GTF2H1: variants seen among roughly 807,000 people sequenced by gnomAD.
The protein encoded by GTF2H1 is general transcription factor IIH subunit 1.
A neutral mutation model predicts 71.2 loss-of-function variants in GTF2H1; 16 were observed. The ratio of observed to expected loss-of-function variants is 0.22; its 90% CI spans 0.15 to 0.34. The LOEUF is 0.34. Among genes scored for constraint, GTF2H1 ranks in the 10% least tolerant of loss-of-function variants. The pLI is 1.00. For synonymous variants in GTF2H1, 215 were observed against 219.0 expected, an observed-to-expected ratio of 0.98 and a Z score of 0.16; for missense variants, 498 against 648.2, an observed-to-expected ratio of 0.77 and a Z score of 2.52.
At chr11:18,362,414 G>A (rs1350473032) in intron 14 of GTF2H1, among the ~76,000 whole-genome samples, 1 of 152,056 alleles carries the variant, frequency 6.6e-6, no homozygotes, top group East Asian at 1.9e-4. Flanking sequence ...TGTACACTTA[G>A]ACTACATTAA....
chr11:18,360,306 G>A (rs992019910), intron 13 of GTF2H1, among the ~76,000 whole-genome samples: 14 of 151,958 alleles, frequency 9.2e-5, no homozygotes, highest in East Asian at 5.8e-4. Flanking sequence ...TATTTTTAGC[G>A]GAGACGGGGT....
At chr11:18,363,380 C>T (rs185640291) in intron 14 of GTF2H1, among the ~76,000 whole-genome samples, 28 of 152,182 alleles carry the variant, frequency 1.8e-4, no homozygotes, top group Non-Finnish European at 2.9e-4. Flanking sequence ...TTCGTTTACA[C>T]CAGCATCCCT....
At chr11:18,345,322 C>T (rs753101042) in intron 7 of GTF2H1, among the ~76,000 whole-genome samples, 6 of 152,080 alleles carry the variant, frequency 3.9e-5, no homozygotes, top group Non-Finnish European at 7.4e-5. Context: ...TGACATTTTC[C>T]ACTTTCAAAA....
Position 18,347,584 on chromosome 11 carries a change from A to G in GTF2H1, c.838-4A>G, listed in dbSNP as rs752036432. 4 of 1,584,174 alleles carry G rather than the reference A, an allele frequency of 2.5e-6. No homozygotes were observed. Among genetic ancestry groups the G allele is most frequent in the South Asian group, 1.2e-5 (1 of 85,914 alleles). ...AAAAATTTTTAATCTATTATTTCTC[A>G]CAGGGCTATGGCATTTCCTCTGTGC... is the stretch of plus-strand genomic sequence containing the variant. On this transcript the variant is annotated splice_polypyrimidine_tract_variant and splice_region_variant and intron_variant, in intron 7 of 14. Coordinates refer to ENST00000265963, the MANE Select transcript of GTF2H1 (RefSeq NM_005316.4).
intron 14 of GTF2H1, among the ~76,000 whole-genome samples, chr11:18,363,561 A>C (rs1865754429): frequency 6.6e-6 from 1 of 152,214 alleles, no homozygotes; most frequent in Non-Finnish European, 1.5e-5. Context: ...GATAAATAAA[A>C]GGGGAGTTTT....
intron 9 of GTF2H1, among the ~76,000 whole-genome samples, chr11:18,350,836 ATGTT>A (rs950261570): frequency 3.9e-5 from 6 of 152,184 alleles, no homozygotes; most frequent in Admixed American, 1.3e-4. Flanking sequence ...CATAAGTAAT[ATGTT>A]TGTATTATTA....
rs1303952972 is a variant in GTF2H1, at chr11:18,365,780, C to T, written c.1561-3C>T. 2 of 1,607,528 alleles carry T rather than the reference C, an allele frequency of 1.2e-6. No homozygotes were observed. On this transcript the variant is annotated splice_region_variant and splice_polypyrimidine_tract_variant and intron_variant, in intron 14 of 14. Transcript: ENST00000265963. ...TTGTTAAGTGTCTTGCTGTGTTTTT[C>T]AGTTGGTAAGTCACATAGAAGAGAT...
At chr11:18,354,571 A>G (rs1865498994) in intron 11 of GTF2H1, among the ~76,000 whole-genome samples, 1 of 152,204 alleles carries the variant, frequency 6.6e-6, no homozygotes, top group Non-Finnish European at 1.5e-5. Flanking sequence ...AGCTGGGATT[A>G]TAGGCATGTG....
chr11:18,331,673 A>C (rs760955980), intron 1 of GTF2H1, among the ~76,000 whole-genome samples: 21 of 151,996 alleles, frequency 1.4e-4, no homozygotes, highest in Non-Finnish European at 2.8e-4. Flanking sequence ...TCTCAAAAAA[A>C]AAGAGGTGAT....
rs59383580 is a variant in GTF2H1 at position 18,325,537 on chromosome 11, C to T, written c.-16+2797C>T. ...TTACAGAGAACCCGACATATATGGC[C>T]TCTGCCCTCCCTTATGAAGCTTGCA... On this transcript the variant is annotated intron_variant, in intron 1 of 14. Coordinates refer to ENST00000265963, the MANE Select transcript of GTF2H1 (RefSeq NM_005316.4). Among the ~76,000 whole-genome samples, 268 of 152,268 alleles carry T rather than the reference C, an allele frequency of 1.8e-3. 1 individual carries two copies. Among genetic ancestry groups the T allele is most frequent in the African/African-American group, 6.0e-3 (249 of 41,560 alleles).
At chr11:18,342,206 T>A (rs1369173032) in intron 7 of GTF2H1, among the ~76,000 whole-genome samples, 1 of 151,528 alleles carries the variant, frequency 6.6e-6, no homozygotes, top group East Asian at 1.9e-4. Flanking sequence ...TTCCCTTTAC[T>A]CTGAGTTTTC....
At chr11:18,357,898 G>GCA in intron 11 of GTF2H1, 54 bp from the exon 12 acceptor site, 1 of 964,596 alleles carries the variant, frequency 1.0e-6, no homozygotes, top group East Asian at 2.5e-5. Flanking sequence ...AAGAGAGGTG[G>GCA]CAAAAAAAAA....
At position 18,333,189 on chromosome 11, in the gene GTF2H1, G is replaced by C; in HGVS notation, c.115G>C (p.Asp39His). The C allele has an allele frequency of 6.2e-7, 1 of 1,613,700 alleles. No individual in the cohort carries two copies. ...AATTGCTTGGGCACCTGAAGGCAAA[G>C]ATAGATTTACAATCAGCCATATGTA... ...ERIAWAPEGK[D>H]RFTISHMYAD... The change falls in exon 2 of 15, where the codon GAT (aspartate) becomes CAT (histidine). Residue 39 changes from aspartate (D) to histidine (H), a missense_variant. This residue lies in a region of GTF2H1 where 216 missense variants were observed against 306.2 expected (regional missense o/e 0.71). Coordinates refer to ENST00000265963, the MANE Select transcript of GTF2H1 (RefSeq NM_005316.4).
rs1359157566 is a variant in GTF2H1 at position 18,365,999 on chromosome 11, TC to T, written c.*133del. The T allele has an allele frequency of 4.6e-6, 3 of 649,706 alleles. No homozygotes were observed. The highest frequency in any genetic ancestry group is 8.3e-6 in the Non-Finnish European group (3 of 362,590). 40.2% of individuals were successfully genotyped at this position (649,706 alleles called of 1,614,324 possible). ...TAAGAAACATCTGCTCCACGCCAACTCCCAGAGCTGATGCTATTGTACTTGC... is the reference window on the plus strand; with the variant it reads ...TAAGAAACATCTGCTCCACGCCAACTCCAGAGCTGATGCTATTGTACTTGC... On this transcript the variant is annotated 3_prime_UTR_variant, in exon 15 of 15. Transcript: ENST00000265963.
chr11:18,350,835 T>C (rs1865404858), intron 9 of GTF2H1, among the ~76,000 whole-genome samples: 1 of 152,176 alleles, frequency 6.6e-6, no homozygotes, highest in African/African-American at 2.4e-5. Flanking sequence ...TCATAAGTAA[T>C]ATGTTTGTAT....
At position 18,339,614 on chromosome 11, in the gene GTF2H1, A is replaced by T; in HGVS notation, c.564A>T (p.Leu188Phe). 1.9e-6 allele frequency: 3 copies of T among 1,613,150 alleles called. No homozygotes were observed. Among genetic ancestry groups the T allele is most frequent in the Non-Finnish European group, 2.5e-6 (3 of 1,179,116 alleles). Residue 188 changes from leucine to phenylalanine, a missense_variant, in exon 5 of 15, where the codon TTA becomes TTT. Transcript: ENST00000265963. ...GCTGTAACGGTCTAAGATATAATTT[A>T]ACTTCTGATATCATTGAGTCCATAT... ...TDGCNGLRYN[L>F]TSDIIESIFR...
In GTF2H1 at chr11:18,338,256, C is replaced by T. The variant is rs765281482; in HGVS notation, c.495C>T (p.Gly165=). 17 of 1,609,332 alleles carry T rather than the reference C, an allele frequency of 1.1e-5. No individual in the cohort carries two copies. In the South Asian group the frequency reaches 1.9e-4, roughly 18 times the overall value. The stretch of plus-strand genomic sequence containing the variant: ...CATCCAATCATAAGCAGGATGTTGG[C>T]ATTTCTGCTGCATTTCTGGTATGTG... ...SSTSNHKQDV[G]ISAAFLADVR... The change falls in exon 4 of 15, where the codon GGC becomes GGT. Residue 165 remains glycine (G), a synonymous_variant. Transcript: ENST00000265963.
rs1864933627 is a variant in GTF2H1, at chr11:18,332,904, T to C, written c.-15-156T>C. On this transcript the variant is annotated intron_variant, in intron 1 of 14. Coordinates refer to ENST00000265963, the MANE Select transcript of GTF2H1 (RefSeq NM_005316.4). Reference sequence around the variant, plus strand: ...GTAGAGGAATGATGCCGTGCAACTTTATCTTCAACTTTGAATGAGAAAAGA... The same window carrying C: ...GTAGAGGAATGATGCCGTGCAACTTCATCTTCAACTTTGAATGAGAAAAGA... The C allele has an allele frequency of 1.2e-5, 6 of 516,350 alleles. No individual in the cohort carries two copies. In the South Asian group the frequency reaches 1.6e-4, roughly 14 times the overall value. 32.0% of individuals were successfully genotyped at this position (516,350 alleles called of 1,614,324 possible).
chr11:18,352,036 A>G (rs771758826), intron 10 of GTF2H1, 67 bp downstream of exon 10: 7 of 807,870 alleles, frequency 8.7e-6, no homozygotes, highest in East Asian at 2.4e-5. Flanking sequence ...TCCTACAAGT[A>G]TAGCACTCAT....
Sources: gnomAD v4.1 joint callset for allele counts (sites outside exome capture counted in the v4.1 genomes callset) on GRCh38, gnomAD v4.1.1 for gene constraint, gnomAD v4.1.1 regional missense constraint, MANE v1.5 for transcripts, NCBI Gene and HGNC (gene_info 2026-07-23, HGNC 2026-07-21) for gene names.